UNC13C: variants seen among roughly 807,000 people sequenced by gnomAD.
UNC13C encodes unc-13 homolog C, also known as protein unc-13 homolog C.
In UNC13C, 174 loss-of-function variants were observed where a neutral mutation model predicts 245.4. That is an observed-to-expected ratio of 0.71 (90% CI 0.63 to 0.80). The LOEUF (loss-of-function observed/expected upper bound fraction) is 0.80, where lower values mean the gene tolerates loss of function less well. Among genes scored for constraint, UNC13C ranks in the 30% least tolerant of loss-of-function variants. The pLI is 0.00. For synonymous variants in UNC13C, 992 were observed against 895.1 expected, an observed-to-expected ratio of 1.11 and a Z score of -1.93; for missense variants, 2,829 against 2,602.9, an observed-to-expected ratio of 1.09 and a Z score of -1.89.
intron 1 of UNC13C, among the ~76,000 whole-genome samples, chr15:54,007,066 AACCATATTTATGTATC>A (rs1895171988): frequency 6.6e-6 from 1 of 152,238 alleles, no homozygotes; most frequent in Admixed American, 6.5e-5. Context: ...ATATGTGGTG[AACCATATTTATGTATC>A]ACCCTTTTAT....
chr15:54,544,185 A>G (rs8042557), intron 26 of UNC13C, among the ~76,000 whole-genome samples: 152,152 of 152,298 alleles, frequency 1, 76,004 homozygotes, highest in Middle Eastern at 1. Flanking sequence ...CAGAACCAGC[A>G]ACTTAAAACA....
Position 54,015,118 on chromosome 15 carries a change from G to T in UNC13C, c.2215G>T (p.Asp739Tyr). 6.2e-7 allele frequency: 1 copy of T among 1,612,538 alleles called. No homozygotes were observed. Among genetic ancestry groups the T allele is most frequent in the East Asian group, 2.2e-5 (1 of 44,826 alleles). The change falls in exon 2 of 33, where the codon GAT (aspartate) becomes TAT (tyrosine). Residue 739 changes from aspartate to tyrosine, a missense_variant. Asp to Tyr is a radical substitution (Grantham distance 160). Transcript: ENST00000260323. Reference sequence around the variant, plus strand: ...ACAAGGCCAGTGGGTTGGCCAATATGATTCTTATCAGGGAGCTAATTCTAA... The same window carrying T: ...ACAAGGCCAGTGGGTTGGCCAATATTATTCTTATCAGGGAGCTAATTCTAA... ...EPQGQWVGQY[D>Y]SYQGANSNEL...
At chr15:54,489,433 T>G (rs914383521) in intron 19 of UNC13C, among the ~76,000 whole-genome samples, 2 of 152,176 alleles carry the variant, frequency 1.3e-5, no homozygotes, top group African/African-American at 4.8e-5. Context: ...TGGAGTCAGC[T>G]AGAGTTACAC....
chr15:53,937,189 A>G, the UNC13C span, among the ~76,000 whole-genome samples: 1 of 152,370 alleles, frequency 6.6e-6, no homozygotes, highest in East Asian at 1.9e-4. Context: ...GAGGATCATA[A>G]CTAACCTGAT....
the UNC13C span, among the ~76,000 whole-genome samples, chr15:53,889,391 C>T: frequency 6.6e-6 from 1 of 152,080 alleles, no homozygotes; most frequent in Admixed American, 6.5e-5. Context: ...GTGATTTTTG[C>T]ACATTGATTT....
intron 17 of UNC13C, among the ~76,000 whole-genome samples, chr15:54,374,436 C>T (rs2140888225): frequency 6.6e-6 from 1 of 152,274 alleles, no homozygotes; most frequent in East Asian, 1.9e-4. Flanking sequence ...TCTGGAGGGG[C>T]CAAGGCAGCA....
intron 4 of UNC13C, among the ~76,000 whole-genome samples, chr15:54,153,516 T>A (rs1262660910): frequency 1.3e-5 from 2 of 152,040 alleles, no homozygotes; most frequent in African/African-American, 4.8e-5. Flanking sequence ...GTATCAGAGC[T>A]GAGATTTGAA....
At chr15:54,331,935 T>G (rs1307823882) in intron 14 of UNC13C, 108 bp from the exon 15 acceptor site, 2 of 654,924 alleles carry the variant, frequency 3.1e-6, no homozygotes, top group Non-Finnish European at 4.9e-6. Context: ...GTCATTGATA[T>G]ATTTGATCCT....
At chr15:54,512,722 T>A (rs1463217635) in intron 24 of UNC13C, among the ~76,000 whole-genome samples, 1 of 152,162 alleles carries the variant, frequency 6.6e-6, no homozygotes, top group Non-Finnish European at 1.5e-5. Flanking sequence ...CATTGTTCCT[T>A]CCCGTGGGAA....
Position 54,014,549 on chromosome 15 carries a change from C to T in UNC13C, c.1646C>T (p.Ser549Phe), listed in dbSNP as rs1265265767. ...SDFFTAKLSR[S>F]ESDFSKLCQS... ...TTTTTCACTGCTAAACTTAGTCGTT[C>T]TGAATCAGATTTTTCCAAATTGTGT... Residue 549 changes from serine (S) to phenylalanine (F), a missense_variant, in exon 2 of 33, where the codon TCT (serine) becomes TTT (phenylalanine). Transcript: ENST00000260323. 2.5e-6 allele frequency: 4 copies of T among 1,613,776 alleles called. No individual in the cohort carries two copies. The highest frequency in any genetic ancestry group is 3.3e-5 in the Admixed American group (2 of 59,948).
chr15:54,301,242 TTAA>T (rs2037571822), intron 13 of UNC13C, among the ~76,000 whole-genome samples: 1 of 151,996 alleles, frequency 6.6e-6, no homozygotes, highest in Non-Finnish European at 1.5e-5. Context: ...TTCAATCATC[TTAA>T]TGATGAATGA....
At chr15:54,626,802 A>C (rs1244493961) in intron 32 of UNC13C, 26 bp from the exon 33 acceptor site, 1 of 1,588,734 alleles carries the variant, frequency 6.3e-7, no homozygotes, top group Non-Finnish European at 8.6e-7. Flanking sequence ...GTTTTTGCTC[A>C]AAATTTGTAT....
the UNC13C span, chr15:53,913,112 A>C: frequency 1.3e-5 from 2 of 152,302 alleles, no homozygotes; most frequent in East Asian, 3.9e-4. Flanking sequence ...GCATAGCCCC[A>C]CCATATGTCA....
intron 19 of UNC13C, among the ~76,000 whole-genome samples, chr15:54,415,850 C>T (rs1335752276): frequency 2.0e-5 from 3 of 152,094 alleles, no homozygotes; most frequent in Non-Finnish European, 4.4e-5. Context: ...CTTATGATGA[C>T]GGAGTGTCTG....
intron 24 of UNC13C, among the ~76,000 whole-genome samples, chr15:54,513,400 A>G (rs1894837085): frequency 6.6e-6 from 1 of 152,216 alleles, no homozygotes; most frequent in South Asian, 2.1e-4. Flanking sequence ...TCTAATGTGA[A>G]TAACATATTG....
chr15:54,595,101 ATG>A (rs1391676505), intron 30 of UNC13C, among the ~76,000 whole-genome samples: 1 of 152,208 alleles, frequency 6.6e-6, no homozygotes, highest in East Asian at 1.9e-4. Context: ...GAGCAAAGGC[ATG>A]TGTCTAAACT....
chr15:54,237,572 C>T (rs16974342), intron 6 of UNC13C, 47 bp from the exon 7 acceptor site: 89,307 of 1,448,148 alleles, frequency 0.062, 3,126 homozygotes, highest in East Asian at 0.091. Flanking sequence ...AGTATATGCA[C>T]GTCAACCTCC....
At chr15:54,000,841 C>A (rs1894852988) in intron 1 of UNC13C, among the ~76,000 whole-genome samples, 1 of 152,138 alleles carries the variant, frequency 6.6e-6, no homozygotes, top group Admixed American at 6.5e-5. Context: ...AATCAATGTA[C>A]CAACTTCCCA....
At chr15:53,981,124 C>A (rs1303039008) in intron 1 of UNC13C, among the ~76,000 whole-genome samples, 1 of 152,162 alleles carries the variant, frequency 6.6e-6, no homozygotes, top group Non-Finnish European at 1.5e-5. Context: ...ATGATAATAT[C>A]TTTTCCCCGA....
Sources: gnomAD v4.1 joint callset for allele counts (sites outside exome capture counted in the v4.1 genomes callset) on GRCh38, gnomAD v4.1.1 for gene constraint, MANE v1.5 for transcripts, NCBI Gene and HGNC (gene_info 2026-07-23, HGNC 2026-07-21) for gene names.